Variants in CENPK observed in about 807,000 individuals in gnomAD.
The protein encoded by CENPK is centromere protein K.
CENPK carries 46 observed loss-of-function variants against 40.9 expected under a neutral mutation model. That is an observed-to-expected ratio of 1.13 (90% CI 0.89 to 1.44). CENPK has a LOEUF of 1.44. CENPK is among the 40% of genes most tolerant of loss of function. The pLI is 0.00. For missense variants in CENPK, 288 were observed against 303.5 expected (o/e 0.95, Z 0.38); for synonymous variants, 107 against 104.4 (o/e 1.02, Z -0.15).
intron 2 of CENPK, chr5:65,561,161 G>A (rs879827192): frequency 1.1e-5 from 2 of 174,750 alleles, no homozygotes; most frequent in African/African-American, 2.4e-5. Flanking sequence ...TTAACAATTT[G>A]AATGTCAACT....
At chr5:65,551,960 A>ATTTTT (rs369700253) in intron 4 of CENPK, among the ~76,000 whole-genome samples, 2 of 125,308 alleles carry the variant, frequency 1.6e-5, no homozygotes, top group Admixed American at 8.1e-5. Flanking sequence ...CCTTTGTTCT[A>ATTTTT]TTTTTTTTTT....
intron 6 of CENPK, among the ~76,000 whole-genome samples, chr5:65,537,585 C>T (rs1435226810): frequency 6.6e-6 from 1 of 152,174 alleles, no homozygotes; most frequent in East Asian, 1.9e-4. Context: ...CAGGTGTGAG[C>T]CACCACGCCC....
the CENPK span, among the ~76,000 whole-genome samples, chr5:65,512,634 C>T: frequency 6.6e-6 from 1 of 152,132 alleles, no homozygotes; most frequent in East Asian, 1.9e-4. Context: ...TACTAGACTA[C>T]AGTATAGTAT....
the CENPK span, among the ~76,000 whole-genome samples, chr5:65,506,885 T>A: frequency 6.6e-6 from 1 of 152,208 alleles, no homozygotes; most frequent in African/African-American, 2.4e-5. Context: ...ACTAATTTTA[T>A]CAAGACTAAA....
chr5:65,533,350 A>AAAATAAATAAATAAAGAAATAAAT (rs1746241260), intron 6 of CENPK, among the ~76,000 whole-genome samples: 1 of 148,116 alleles, frequency 6.8e-6, no homozygotes, highest in African/African-American at 2.5e-5. Flanking sequence ...ACCCTGTATC[A>AAAATAAATAAATAAAGAAATAAAT]AAATAAATAA....
At chr5:65,527,308 T>C (rs1242419475) in intron 9 of CENPK, among the ~76,000 whole-genome samples, 1 of 151,558 alleles carries the variant, frequency 6.6e-6, no homozygotes, top group Non-Finnish European at 1.5e-5. Flanking sequence ...AATGGATTCA[T>C]GTAAAAGATG....
intron 6 of CENPK, among the ~76,000 whole-genome samples, chr5:65,538,679 T>G: frequency 6.6e-6 from 1 of 152,186 alleles, no homozygotes; most frequent in East Asian, 1.9e-4. Flanking sequence ...GAACTAGCAG[T>G]ACACCATGCA....
At chr5:65,552,064 A>G (rs1009938768) in intron 4 of CENPK, among the ~76,000 whole-genome samples, 15 of 150,000 alleles carry the variant, frequency 1.0e-4, no homozygotes, top group African/African-American at 3.4e-4. Flanking sequence ...GGTTCAAGTG[A>G]TTCTCACGCC....
chr5:65,562,431 C>T (rs1752167495), intron 1 of CENPK, among the ~76,000 whole-genome samples: 1 of 152,140 alleles, frequency 6.6e-6, no homozygotes, highest in Admixed American at 6.5e-5. Flanking sequence ...GGGGGCAGTT[C>T]CTTCCCTGTA....
intron 9 of CENPK, among the ~76,000 whole-genome samples, chr5:65,525,227 T>C (rs1014340006): frequency 3.9e-5 from 6 of 151,992 alleles, no homozygotes; most frequent in Middle Eastern, 3.4e-3. Context: ...TTAGCCAGCA[T>C]AGCAGTGCGC....
chr5:65,533,918 G>A (rs1746365221), intron 6 of CENPK, among the ~76,000 whole-genome samples: 1 of 151,696 alleles, frequency 6.6e-6, no homozygotes, highest in African/African-American at 2.4e-5. Flanking sequence ...ACTAGTGGCG[G>A]ATGCCTGTAG....
chr5:65,522,024 T>C (rs182355319), intron 9 of CENPK, among the ~76,000 whole-genome samples: 1 of 152,322 alleles, frequency 6.6e-6, no homozygotes, highest in Non-Finnish European at 1.5e-5. Flanking sequence ...TTCATAAAAA[T>C]GCAGTTGAAA....
At chr5:65,537,471 A>AT (rs1304304968) in intron 6 of CENPK, among the ~76,000 whole-genome samples, 2 of 151,814 alleles carry the variant, frequency 1.3e-5, no homozygotes, top group African/African-American at 2.4e-5. Flanking sequence ...CGCCCAGCTA[A>AT]TTTTTTTGTA....
the CENPK span, among the ~76,000 whole-genome samples, chr5:65,497,311 T>C: frequency 6.6e-6 from 1 of 150,782 alleles, no homozygotes; most frequent in Admixed American, 6.6e-5. Context: ...GAGGTTGCAG[T>C]GAGCCAAGAT....
At chr5:65,528,257 C>A (rs911266094) in intron 9 of CENPK, among the ~76,000 whole-genome samples, 195 bp downstream of exon 9, 1 of 151,256 alleles carries the variant, frequency 6.6e-6, no homozygotes, top group East Asian at 1.9e-4. Context: ...CCCCTGCCCC[C>A]AAAAATATAC....
intron 6 of CENPK, among the ~76,000 whole-genome samples, chr5:65,535,208 A>C (rs954007142): frequency 1.4e-5 from 2 of 143,312 alleles, no homozygotes; most frequent in African/African-American, 5.0e-5. Flanking sequence ...GTGCAGCCTG[A>C]GTGACAGAAC....
Position 65,528,958 on chromosome 5 carries a change from C to G in CENPK, c.431G>C (p.Ser144Thr), listed in dbSNP as rs751927567. 4 of 1,601,766 alleles carry G rather than the reference C, an allele frequency of 2.5e-6. No individual in the cohort carries two copies. The highest frequency in any genetic ancestry group is 3.4e-6 in the Non-Finnish European group (4 of 1,173,784). The change falls in exon 8 of 11, where the codon AGT (serine) becomes ACT (threonine). Residue 144 changes from serine (S) to threonine (T), a missense_variant. Transcript: ENST00000396679. ...QIMESLNVLH[S>T]ELKNKVETFS... ...TGTTTCAACCTTATTTTTCAATTCA[C>G]TGTGTAGTACATTAAGAGATTCCAT...
At chr5:65,545,768 T>C (rs1336319793) in intron 5 of CENPK, among the ~76,000 whole-genome samples, 2 of 152,170 alleles carry the variant, frequency 1.3e-5, no homozygotes, top group African/African-American at 4.8e-5. Context: ...GGATCCCTCC[T>C]CAAGCCTTTG....
At chr5:65,500,960 G>T in the CENPK span, among the ~76,000 whole-genome samples, 13 of 151,952 alleles carry the variant, frequency 8.6e-5, no homozygotes, top group Non-Finnish European at 1.6e-4. Context: ...GTGAACCATG[G>T]TGCCTGGCCA....
Sources: gnomAD v4.1 joint callset for allele counts (sites outside exome capture counted in the v4.1 genomes callset) on GRCh38, gnomAD v4.1.1 for gene constraint, MANE v1.5 for transcripts, NCBI Gene and HGNC (gene_info 2026-07-23, HGNC 2026-07-21) for gene names.